CSMD2: variants seen among roughly 807,000 people sequenced by gnomAD.
CSMD2 encodes the protein CUB and Sushi multiple domains 2.
Under a neutral mutation model 398.5 loss-of-function variants are expected in CSMD2, and 130 were observed. The observed-to-expected ratio is 0.33, with a 90% confidence interval of 0.28 to 0.38. CSMD2 has a LOEUF of 0.38. CSMD2 is among the 10% of genes least tolerant of loss of function. The pLI, the probability that CSMD2 is intolerant of heterozygous loss-of-function variation, is 1.00. For missense variants in CSMD2, 3,829 were observed against 4,764.9 expected (o/e 0.80, Z 5.78); for synonymous variants, 1,828 against 1,908.5 (o/e 0.96, Z 1.10).
At chr1:33,531,541 A>G (rs1323688355) in intron 64 of CSMD2, among the ~76,000 whole-genome samples, 1 of 152,266 alleles carries the variant, frequency 6.6e-6, no homozygotes, top group Admixed American at 6.5e-5. Flanking sequence ...TATTATTTGT[A>G]ATAGCCAAAA....
Position 33,626,540 on chromosome 1 carries a change from T to G in CSMD2, c.5242A>C (p.Lys1748Gln). The change falls in exon 33 of 71, where the codon AAG becomes CAG. Residue 1748 changes from lysine (K) to glutamine (Q), a missense_variant. Physicochemically the swap from Lys to Gln is moderately conservative, Grantham distance 53. Around this residue, in one of 5 missense-constraint regions of CSMD2, gnomAD observed 2,001 missense variants for 2,567.1 expected, o/e 0.78. Transcript: ENST00000373381. ...PLATSNQVLI[K>Q]FSAKGLAPAR... is the part of the protein sequence containing the mutation. ...GGTGCGAGGCCTTTGGCGCTGAACTTAATGAGAACTTGATTGGAGGTGGCC... is the reference window on the plus strand; with the variant it reads ...GGTGCGAGGCCTTTGGCGCTGAACTGAATGAGAACTTGATTGGAGGTGGCC... 1 of 1,608,344 alleles carries G rather than the reference T, an allele frequency of 6.2e-7. No individual in the cohort carries two copies. The highest frequency in any genetic ancestry group is 8.5e-7 in the Non-Finnish European group (1 of 1,177,884).
intron 5 of CSMD2, among the ~76,000 whole-genome samples, chr1:33,882,652 C>T (rs1433950245): frequency 6.6e-6 from 1 of 152,116 alleles, no homozygotes; most frequent in Non-Finnish European, 1.5e-5. Flanking sequence ...TTCAATCATC[C>T]ATAAAGAAAA....
chr1:34,154,576 G>C (rs182780100), intron 1 of CSMD2, among the ~76,000 whole-genome samples: 2 of 152,106 alleles, frequency 1.3e-5, no homozygotes, highest in African/African-American at 4.8e-5. Flanking sequence ...CCACTGACTA[G>C]GTACACTCAA....
At chr1:34,135,242 T>TCACACACACACACACACACA (rs66898227) in intron 1 of CSMD2, among the ~76,000 whole-genome samples, 1 of 135,490 alleles carries the variant, frequency 7.4e-6, no homozygotes, top group East Asian at 2.0e-4. Context: ...CATGTTGAAA[T>TCACACACACACACACACACA]CACACACACA....
chr1:33,653,779 G>A (rs1016855985), intron 27 of CSMD2, among the ~76,000 whole-genome samples: 1 of 152,122 alleles, frequency 6.6e-6, no homozygotes, highest in Admixed American at 6.5e-5. Flanking sequence ...TATAGGTATG[G>A]TTTGGTCTGG....
Position 33,780,873 on chromosome 1 carries a change from C to T in CSMD2, c.1663+7727G>A, listed in dbSNP as rs565597943. 3.9e-5 allele frequency among the ~76,000 whole-genome samples: 6 copies of T among 152,310 alleles called. No individual in the cohort carries two copies. The East Asian group carries it at 1.2e-3, about 29-fold the overall frequency. On this transcript the variant is annotated intron_variant, in intron 12 of 70. Coordinates refer to ENST00000373381, the MANE Select transcript of CSMD2 (RefSeq NM_001281956.2). ...CTTGGCCAAAGTTGGAATGTTTGGGCCTTCCAGTTTATGGGGAAAAGACAA... is the reference window on the plus strand; with the variant it reads ...CTTGGCCAAAGTTGGAATGTTTGGGTCTTCCAGTTTATGGGGAAAAGACAA...
chr1:33,992,521 A>G (rs747415507), intron 3 of CSMD2, among the ~76,000 whole-genome samples: 1 of 150,230 alleles, frequency 6.7e-6, no homozygotes, highest in Non-Finnish European at 1.5e-5. Context: ...CAGCCCTAGC[A>G]TGGCTTTTTT....
At chr1:34,034,524 A>G (rs118099593) in intron 2 of CSMD2, among the ~76,000 whole-genome samples, 1 of 152,354 alleles carries the variant, frequency 6.6e-6, no homozygotes, top group East Asian at 1.9e-4. Flanking sequence ...ATCGCCAGAT[A>G]GATATAAATA....
At chr1:33,755,791 G>C (rs1377907286) in intron 13 of CSMD2, among the ~76,000 whole-genome samples, 2 of 151,670 alleles carry the variant, frequency 1.3e-5, no homozygotes, top group Non-Finnish European at 2.9e-5. Flanking sequence ...GACTATAGGT[G>C]TGTGCCACTA....
intron 3 of CSMD2, among the ~76,000 whole-genome samples, chr1:33,961,704 C>G (rs1236654987): frequency 2.6e-5 from 4 of 152,080 alleles, no homozygotes; most frequent in Non-Finnish European, 4.4e-5. Context: ...TCCATGAGTT[C>G]ACGCAGTTGA....
At chr1:33,577,542 T>G in intron 48 of CSMD2, 58 bp from the exon 49 acceptor site, 1 of 1,478,262 alleles carries the variant, frequency 6.8e-7, no homozygotes, top group South Asian at 1.3e-5. Flanking sequence ...GACATGGTCT[T>G]TCATGCAGGC....
intron 3 of CSMD2, among the ~76,000 whole-genome samples, chr1:33,964,623 G>T (rs1645493032): frequency 6.6e-6 from 1 of 152,114 alleles, no homozygotes; most frequent in African/African-American, 2.4e-5. Flanking sequence ...TATTTCTGAG[G>T]ATGGGGACCC....
intron 3 of CSMD2, among the ~76,000 whole-genome samples, chr1:33,962,179 A>T (rs1305033848): frequency 1.3e-5 from 2 of 152,000 alleles, no homozygotes; most frequent in Non-Finnish European, 2.9e-5. Context: ...CAGCAGCCTC[A>T]CTCACAGTTG....
chr1:33,950,943 G>A (rs1644989836), intron 3 of CSMD2, among the ~76,000 whole-genome samples: 2 of 152,224 alleles, frequency 1.3e-5, no homozygotes, highest in African/African-American at 4.8e-5. Flanking sequence ...ACCAAAGATA[G>A]AAAGCTGTTA....
intron 10 of CSMD2, among the ~76,000 whole-genome samples, chr1:33,797,109 A>T (rs1425034663): frequency 1.3e-5 from 2 of 152,174 alleles, no homozygotes; most frequent in Admixed American, 1.3e-4. Context: ...GTAGTTCTGA[A>T]TTTGTCCTTG....
chr1:33,754,929 G>A (rs577813835), intron 13 of CSMD2, among the ~76,000 whole-genome samples: 39 of 151,934 alleles, frequency 2.6e-4, no homozygotes, highest in Non-Finnish European at 5.0e-4. Flanking sequence ...AGGAGAAGGG[G>A]CTGTTCATGG....
intron 52 of CSMD2, among the ~76,000 whole-genome samples, 186 bp downstream of exon 52, chr1:33,569,188 G>C: frequency 6.6e-6 from 1 of 152,150 alleles, no homozygotes; most frequent in South Asian, 2.1e-4. Context: ...CCTTCTTTTG[G>C]GTGGCCCAGG....
rs12087520 is a variant in CSMD2, at chr1:33,796,060, C to T, written c.1447-3534G>A. On this transcript the variant is annotated intron_variant, in intron 10 of 70. Transcript: ENST00000373381. The stretch of plus-strand genomic sequence containing the variant: ...TGAACATAGCCATACACAATGTGTA[C>T]ATGAATGGGTGTGGCTGTGTTCCAA... Among the ~76,000 whole-genome samples, 450 of 152,346 alleles carry T rather than the reference C, an allele frequency of 3.0e-3. 1 individual carries two copies. The highest frequency in any genetic ancestry group is 0.01 in the African/African-American group (424 of 41,580).
intron 24 of CSMD2, among the ~76,000 whole-genome samples, chr1:33,693,661 C>G (rs1557741197): frequency 6.6e-6 from 1 of 152,156 alleles, no homozygotes; most frequent in African/African-American, 2.4e-5. Context: ...CAACGTTATT[C>G]ATAGTTATCA....
Sources: allele counts gnomAD v4.1 joint callset (sites outside exome capture counted in the v4.1 genomes callset), GRCh38; gene constraint gnomAD v4.1.1; regional missense constraint gnomAD v4.1.1; transcripts MANE v1.5; gene names NCBI Gene and HGNC (gene_info 2026-07-23, HGNC 2026-07-21).